DACH2: variants seen among roughly 807,000 people sequenced by gnomAD.
DACH2 encodes dachshund family transcription factor 2.
DACH2 carries 17 observed loss-of-function variants against 35.8 expected under a neutral mutation model. The ratio of observed to expected loss-of-function variants is 0.48; its 90% CI spans 0.33 to 0.71. DACH2 has a LOEUF of 0.71. Ranked by LOEUF, DACH2 falls within the 30% of genes least tolerant of loss-of-function variation. The pLI, the probability that DACH2 is intolerant of heterozygous loss-of-function variation, is 0.02. For synonymous variants in DACH2, 195 were observed against 177.3 expected (o/e 1.10, Z -0.79); for missense variants, 469 against 472.7 (o/e 0.99, Z 0.07).
intron 3 of DACH2, among the ~76,000 whole-genome samples, chrX:86,533,089 G>T (rs1223227566): frequency 9.6e-6 from 1 of 104,568 alleles, no homozygotes; most frequent in Non-Finnish European, 2.0e-5. Context: ...TCACTCTGTT[G>T]CCCAGGCTGC....
intron 1 of DACH2, among the ~76,000 whole-genome samples, chrX:86,182,602 A>G (rs1196070192): frequency 1.8e-5 from 2 of 111,627 alleles, no homozygotes; most frequent in African/African-American, 6.5e-5. Flanking sequence ...GTTTGAAGTC[A>G]GGTAGCGTGA....
intron 3 of DACH2, among the ~76,000 whole-genome samples, chrX:86,571,345 G>A (rs1057503127): frequency 9.1e-6 from 1 of 109,894 alleles, no homozygotes; most frequent in Admixed American, 9.8e-5. Context: ...TGTGCACAAC[G>A]TGCAGGTTTG....
intron 7 of DACH2, among the ~76,000 whole-genome samples, chrX:86,747,602 C>A (rs2041727476): frequency 8.9e-6 from 1 of 111,760 alleles, no homozygotes; most frequent in South Asian, 3.7e-4. Context: ...AGTATACATA[C>A]CTTAATTTGA....
chrX:86,185,611 T>G (rs866210174), intron 1 of DACH2, among the ~76,000 whole-genome samples: 1 of 111,835 alleles, frequency 8.9e-6, no homozygotes, highest in Admixed American at 9.6e-5. Flanking sequence ...TAGTGATTTT[T>G]CTGTCTTTTT....
intron 6 of DACH2, among the ~76,000 whole-genome samples, chrX:86,722,172 G>A (rs2041413990): frequency 8.9e-6 from 1 of 111,785 alleles, no homozygotes; most frequent in African/African-American, 3.3e-5. Context: ...TTGTGGGTTT[G>A]TCATAATGGT....
At position 86,320,526 on chromosome X, in the gene DACH2, A is replaced by C. The variant is rs146363197; in HGVS notation, c.489-56298A>C. Among the ~76,000 whole-genome samples, 175 of 112,080 alleles carry C rather than the reference A, an allele frequency of 1.6e-3. 2 individuals carry two copies. In the East Asian group the frequency reaches 0.04, roughly 25 times the overall value. On this transcript the variant is annotated intron_variant, in intron 1 of 11. Coordinates refer to ENST00000373125, the MANE Select transcript of DACH2 (RefSeq NM_053281.3). ...TAGCAGCAAAGCTTGATAATTGAGG[A>C]GGCAATTGTCTGTTAGCTAAAGCCT...
intron 11 of DACH2, among the ~76,000 whole-genome samples, chrX:86,816,993 G>C (rs1028480371): frequency 8.9e-6 from 1 of 111,761 alleles, no homozygotes. Flanking sequence ...CTTCATAAAG[G>C]CAACAGAACT....
chrX:86,595,713 C>T (rs2039702402), intron 3 of DACH2, among the ~76,000 whole-genome samples: 1 of 108,596 alleles, frequency 9.2e-6, no homozygotes, highest in Non-Finnish European at 1.9e-5. Flanking sequence ...TCTGCATTTT[C>T]TGGTTGTAAT....
At chrX:86,607,253 C>T (rs1327026564) in intron 3 of DACH2, among the ~76,000 whole-genome samples, 2 of 111,481 alleles carry the variant, frequency 1.8e-5, no homozygotes, top group African/African-American at 6.5e-5. Flanking sequence ...GTTTTGATGT[C>T]TTTTCATGCT....
chrX:86,540,536 TG>T (rs2038865708), intron 3 of DACH2, among the ~76,000 whole-genome samples: 1 of 112,565 alleles, frequency 8.9e-6, no homozygotes, highest in Admixed American at 9.4e-5. Flanking sequence ...TCTCTTCTGT[TG>T]GTACATTCAC....
intron 1 of DACH2, among the ~76,000 whole-genome samples, chrX:86,168,591 T>TC (rs1411321455): frequency 1.8e-5 from 2 of 110,171 alleles, no homozygotes; most frequent in Admixed American, 9.7e-5. Context: ...GTCTTTTTTT[T>TC]CCTTCCTTTC....
intron 1 of DACH2, among the ~76,000 whole-genome samples, chrX:86,337,706 A>C (rs1203674933): frequency 1.8e-5 from 2 of 112,017 alleles, no homozygotes; most frequent in Admixed American, 1.9e-4. Context: ...AAATTCACAC[A>C]TAACAATATT....
chrX:86,430,017 CT>C (rs1328601731), intron 2 of DACH2, among the ~76,000 whole-genome samples: 2 of 112,466 alleles, frequency 1.8e-5, no homozygotes, highest in Non-Finnish European at 3.8e-5. Flanking sequence ...TTCACACAGA[CT>C]TTTATGGAAT....
chrX:86,410,038 C>T (rs1271166427), intron 2 of DACH2, among the ~76,000 whole-genome samples: 2 of 112,003 alleles, frequency 1.8e-5, no homozygotes, highest in East Asian at 2.8e-4. Context: ...TGACTAGTGC[C>T]AATACTGTAG....
At position 86,161,089 on chromosome X, in the gene DACH2, C is replaced by T. The variant is rs2030738372; in HGVS notation, c.488+11981C>T. On this transcript the variant is annotated intron_variant, in intron 1 of 11. Coordinates refer to ENST00000373125, the MANE Select transcript of DACH2 (RefSeq NM_053281.3). ...TTCCAACCAGAAATTGGCACAAATG[C>T]TACTGTGTTGGGGTTGTAGCCAATT... The T allele has an allele frequency of 2.8e-6, 3 of 1,084,631 alleles. No homozygotes were observed. In the Admixed American group the frequency reaches 6.6e-5, roughly 24 times the overall value. The allele number at this position is 1,084,631 out of a possible 1,213,427, so 89.4% of individuals were successfully genotyped here.
chrX:86,719,657 G>A (rs1216446273), intron 6 of DACH2, among the ~76,000 whole-genome samples: 1 of 111,183 alleles, frequency 9.0e-6, no homozygotes, highest in Non-Finnish European at 1.9e-5. Context: ...CGCCAACAGG[G>A]GAAATGCCAG....
At chrX:86,748,699 T>A (rs753542010) in intron 7 of DACH2, among the ~76,000 whole-genome samples, 1 of 111,570 alleles carries the variant, frequency 9.0e-6, no homozygotes, top group Non-Finnish European at 1.9e-5. Context: ...TAATGGAAAA[T>A]GTGCATTGGC....
chrX:86,463,475 A>G (rs1446789472), intron 2 of DACH2, among the ~76,000 whole-genome samples: 1 of 110,545 alleles, frequency 9.0e-6, no homozygotes, highest in Non-Finnish European at 1.9e-5. Context: ...TAGCCGTATG[A>G]AGAAAACTGA....
intron 4 of DACH2, among the ~76,000 whole-genome samples, chrX:86,687,583 A>G (rs2040960681): frequency 9.0e-6 from 1 of 111,723 alleles, no homozygotes; most frequent in African/African-American, 3.3e-5. Context: ...TGATAAAGAC[A>G]CATGCAAACG....
Sources: gnomAD v4.1 joint callset for allele counts (sites outside exome capture counted in the v4.1 genomes callset) on GRCh38, gnomAD v4.1.1 for gene constraint, MANE v1.5 for transcripts, NCBI Gene and HGNC (gene_info 2026-07-23, HGNC 2026-07-21) for gene names.